Variants in NOTCH2 observed in about 807,000 individuals in gnomAD.
NOTCH2 encodes neurogenic locus notch homolog protein 2.
Under a neutral mutation model 235.8 loss-of-function variants are expected in NOTCH2, and 29 were observed. That is an observed-to-expected ratio of 0.12 (90% confidence interval 0.09 to 0.17). The LOEUF (loss-of-function observed/expected upper bound fraction) is 0.17, where lower values mean the gene tolerates loss of function less well. NOTCH2 is among the 10% of genes least tolerant of loss of function. NOTCH2 has a pLI of 1.00. For missense variants in NOTCH2, 2,285 were observed against 3,150.2 expected, an observed-to-expected ratio of 0.73 and a Z score of 6.57; for synonymous variants, 1,086 against 1,141.5, an observed-to-expected ratio of 0.95 and a Z score of 0.98.
rs2101143475 is a variant in NOTCH2, at chr1:119,916,076, T to G, written c.6646A>C (p.Thr2216Pro). ...EMQPLAHGAS[T>P]VLPSVSQLLS... ...AACTGGCTCACTGAGGGAAGCACAGTGCTGGCCCCATGTGCCAAAGGCTGC... is the reference window on the plus strand; with the variant it reads ...AACTGGCTCACTGAGGGAAGCACAGGGCTGGCCCCATGTGCCAAAGGCTGC... The change falls in exon 34 of 34, where the codon ACT becomes CCT. Residue 2216 changes from threonine to proline, a missense_variant. Around this residue, in one of 6 missense-constraint regions of NOTCH2, gnomAD observed 504 missense variants for 538.0 expected, o/e 0.94. Coordinates refer to ENST00000256646, the MANE Select transcript of NOTCH2 (RefSeq NM_024408.4). The G allele has an allele frequency of 1.2e-6, 2 of 1,613,968 alleles. No individual in the cohort carries two copies. The highest frequency in any genetic ancestry group is 1.7e-6 in the Non-Finnish European group (2 of 1,180,030).
At chr1:119,929,235 A>C (rs375868550) in intron 22 of NOTCH2, 23 bp from the exon 23 acceptor site, 2 of 1,591,852 alleles carry the variant, frequency 1.3e-6, no homozygotes, top group Admixed American at 1.7e-5. Context: ...GAAGAGGTAC[A>C]GAATTATGAA....
Position 119,949,023 on chromosome 1 carries a change from A to C in NOTCH2, c.2583T>G (p.Cys861Trp). The change falls in exon 16 of 34, where the codon TGT (cysteine) becomes TGG (tryptophan). Residue 861 changes from cysteine to tryptophan, a missense_variant. By Grantham distance (215) the Cys-to-Trp change is radical (BLOSUM62 -2). Coordinates refer to ENST00000256646, the MANE Select transcript of NOTCH2 (RefSeq NM_024408.4). ...SPNFESYTCLCAPGWQGQRCT... is the reference protein window; with the variant it reads ...SPNFESYTCLWAPGWQGQRCT... The stretch of plus-strand genomic sequence containing the variant: ...TGTTCTTACCTTGCCAGCCAGGAGC[A>C]CACAAGCAAGTATAACTCTCAAAAT... 1 of 1,614,230 alleles carries C rather than the reference A, an allele frequency of 6.2e-7. No individual in the cohort carries two copies.
intron 5 of NOTCH2, among the ~76,000 whole-genome samples, chr1:119,974,046 A>G (rs1447492603): frequency 6.6e-6 from 1 of 152,208 alleles, no homozygotes; most frequent in African/African-American, 2.4e-5. Context: ...AGGGATTAAA[A>G]GCAAATGACT....
chr1:119,920,395 A>T lies in NOTCH2; in HGVS notation c.5313T>A (p.Ala1771=). The T allele has an allele frequency of 6.2e-7, 1 of 1,614,178 alleles. No homozygotes were observed. ...DEGPQPKKVK[A]EDEALLSEED... is the part of the protein sequence containing the mutation. ...CTTCTGAGAGTAAGGCCTCATCTTCAGCCTGAAAGGTGAAAACAATGCTCC... is the reference window on the plus strand; with the variant it reads ...CTTCTGAGAGTAAGGCCTCATCTTCTGCCTGAAAGGTGAAAACAATGCTCC... Residue 1771 remains alanine (A), a splice_region_variant and synonymous_variant, in exon 30 of 34, where the codon GCT becomes GCA. Coordinates refer to ENST00000256646, the MANE Select transcript of NOTCH2 (RefSeq NM_024408.4).
chr1:119,922,598 C>T (rs779298559), intron 27 of NOTCH2, 38 bp downstream of exon 27: 1 of 1,613,096 alleles, frequency 6.2e-7, no homozygotes, highest in Non-Finnish European at 8.5e-7. Context: ...TGACACTCTT[C>T]CCCCGCCACC....
intron 14 of NOTCH2, among the ~76,000 whole-genome samples, chr1:119,951,394 C>A (rs1650467866): frequency 6.6e-6 from 1 of 152,174 alleles, no homozygotes; most frequent in African/African-American, 2.4e-5. Flanking sequence ...CCAAGTGATC[C>A]TCCCACCTTA....
intron 5 of NOTCH2, among the ~76,000 whole-genome samples, chr1:119,985,999 T>C (rs968659480): frequency 6.6e-6 from 1 of 152,174 alleles, no homozygotes; most frequent in Non-Finnish European, 1.5e-5. Context: ...TTTTCATCTT[T>C]TTCTATTCAT....
intron 12 of NOTCH2, among the ~76,000 whole-genome samples, chr1:119,956,857 T>C (rs143981060): frequency 3.6e-4 from 55 of 152,312 alleles, no homozygotes; most frequent in African/African-American, 1.2e-3. Context: ...ACTATGTTGA[T>C]TGACAGCTGT....
rs2453056 is a variant in NOTCH2, at chr1:119,935,375, C to A, written c.3655+97G>T. On this transcript the variant is annotated intron_variant, in intron 22 of 33. Coordinates refer to ENST00000256646, the MANE Select transcript of NOTCH2 (RefSeq NM_024408.4). ...AAATGCTTGGAATGAAGCTAGTCTT[C>A]CTATCTTTAATTTTATAAAATCCCC... The A allele has an allele frequency of 0.16, 252,212 of 1,610,770 alleles. 27,062 individuals are homozygous for A. The highest frequency in any genetic ancestry group is 0.52 in the African/African-American group (38,922 of 74,900).
intron 3 of NOTCH2, among the ~76,000 whole-genome samples, chr1:120,004,836 G>A (rs782326764): frequency 3.9e-5 from 6 of 152,108 alleles, no homozygotes; most frequent in Non-Finnish European, 8.8e-5. Flanking sequence ...GCAGTGGTGC[G>A]ATCATAGCTC....
rs773152280 is a variant in NOTCH2 at position 119,916,344 on chromosome 1, G to A, written c.6378C>T (p.Ala2126=). 2.5e-6 allele frequency: 4 copies of A among 1,614,148 alleles called. No homozygotes were observed. Among genetic ancestry groups the A allele is most frequent in the Non-Finnish European group, 3.4e-6 (4 of 1,180,028 alleles). The change falls in exon 34 of 34, where the codon GCC becomes GCT. Residue 2126 remains alanine (A), a synonymous_variant. Transcript: ENST00000256646. ...GAGACTTCTTCCTCCTACTACCCTT[G>A]GCATCCTTTGCCTCCTTGGCAAGGT... is the stretch of plus-strand genomic sequence containing the variant. ...LPNLAKEAKD[A]KGSRRKKSLS...
intron 14 of NOTCH2, among the ~76,000 whole-genome samples, chr1:119,953,099 G>A (rs1489975558): frequency 2.0e-5 from 3 of 152,130 alleles, no homozygotes; most frequent in Non-Finnish European, 4.4e-5. Flanking sequence ...ATCACCTGAG[G>A]TCAGGAGTTC....
Position 119,925,775 on chromosome 1 carries a change from T to C in NOTCH2, c.4041A>G (p.Gly1347=), listed in dbSNP as rs753043164. Residue 1347 remains glycine (G), a synonymous_variant, in exon 25 of 34, where the codon GGA becomes GGG. Transcript: ENST00000256646. ...GCTCCCCCTTCCTACATTTCACTTG[T>C]CCACAGCTGCTCTGGCACCTTGCCC... is the stretch of plus-strand genomic sequence containing the variant. ...FSGARCQSSC[G]QVKCRKGEQC... 17 of 1,614,116 alleles carry C rather than the reference T, an allele frequency of 1.1e-5. No individual in the cohort carries two copies. In the African/African-American group the frequency reaches 2.1e-4, roughly 20 times the overall value.
chr1:119,922,117 ATGG>A, intron 28 of NOTCH2, 116 bp downstream of exon 28: 1 of 1,147,062 alleles, frequency 8.7e-7, no homozygotes, highest in Non-Finnish European at 1.3e-6. Context: ...ATTTAGAATC[ATGG>A]TCAATGTGAG....
In NOTCH2 at chr1:119,916,049, G is replaced by A. The variant is rs1314464356; in HGVS notation, c.6673C>T (p.Leu2225=). The A allele has an allele frequency of 6.2e-7, 1 of 1,613,684 alleles. No individual in the cohort carries two copies. Among genetic ancestry groups the A allele is most frequent in the Non-Finnish European group, 8.5e-7 (1 of 1,180,046 alleles). Residue 2225 remains leucine, a synonymous_variant, in exon 34 of 34, where the codon CTA becomes TTA. Transcript: ENST00000256646. ...STVLPSVSQL[L]SHHHIVSPGS... ...GGAGACACAATGTGGTGGTGGGATA[G>A]CAACTGGCTCACTGAGGGAAGCACA...
intron 17 of NOTCH2, 93 bp from the exon 18 acceptor site, chr1:119,941,847 G>C: frequency 1.0e-6 from 1 of 987,464 alleles, no homozygotes; most frequent in East Asian, 2.5e-5. Flanking sequence ...AGTCATGCTG[G>C]GGGCAGCATA....
At chr1:120,063,654 T>C (rs1379469321) in intron 1 of NOTCH2, among the ~76,000 whole-genome samples, 1 of 152,170 alleles carries the variant, frequency 6.6e-6, no homozygotes, top group East Asian at 1.9e-4. Context: ...CCACAGGATC[T>C]AGCCAAAGCA....
chr1:119,915,687 C>T lies in NOTCH2; in HGVS notation c.7035G>A (p.Met2345Ile), dbSNP rs764321509. ...PLPTMYQIPE[M>I]ARLPSVAFPT... ...GGAAAGCCACACTGGGCAAACGGGCCATTTCTGGAATCTGGTACATGGTGG... is the reference window on the plus strand; with the variant it reads ...GGAAAGCCACACTGGGCAAACGGGCTATTTCTGGAATCTGGTACATGGTGG... Residue 2345 changes from methionine (M) to isoleucine (I), a missense_variant, in exon 34 of 34, where the codon ATG becomes ATA. Physicochemically the swap from Met to Ile is conservative, Grantham distance 10. Transcript: ENST00000256646. The T allele has an allele frequency of 1.2e-5, 20 of 1,612,752 alleles. No individual in the cohort carries two copies. Among genetic ancestry groups the T allele is most frequent in the South Asian group, 4.4e-5 (4 of 90,908 alleles).
intron 1 of NOTCH2, among the ~76,000 whole-genome samples, chr1:120,067,075 C>T (rs1260556288): frequency 6.6e-6 from 1 of 151,496 alleles, no homozygotes; most frequent in Middle Eastern, 3.2e-3. Context: ...TTAGAAACTC[C>T]GTGATGTTTA....
Sources: gnomAD v4.1 joint callset for allele counts (sites outside exome capture counted in the v4.1 genomes callset) on GRCh38, gnomAD v4.1.1 for gene constraint, gnomAD v4.1.1 regional missense constraint, MANE v1.5 for transcripts, NCBI Gene and HGNC (gene_info 2026-07-23, HGNC 2026-07-21) for gene names.